The following FMNL3 variants were observed in gnomAD, a reference collection of about 807,000 sequenced individuals.
FMNL3 encodes the protein formin like 3, also known as formin-like protein 3.
A neutral mutation model predicts 119.6 loss-of-function variants in FMNL3; 57 were observed. The observed-to-expected ratio is 0.48, with a 90% CI of 0.39 to 0.59. The LOEUF is 0.59. Ranked by LOEUF, FMNL3 falls within the 20% of genes least tolerant of loss-of-function variation. The pLI is 0.00. For synonymous variants in FMNL3, 491 were observed against 507.3 expected, an observed-to-expected ratio of 0.97 and a Z score of 0.43; for missense variants, 1,053 against 1,323.5, an observed-to-expected ratio of 0.80 and a Z score of 3.17.
At chr12:49,675,165 T>C (rs1371668668) in intron 1 of FMNL3, among the ~76,000 whole-genome samples, 2 of 152,186 alleles carry the variant, frequency 1.3e-5, no homozygotes. Context: ...CAAACCCTGA[T>C]TAAGGCCACC....
In FMNL3 at chr12:49,700,391, CAAAAAA is replaced by C. The variant is rs11456820; in HGVS notation, c.126+6658_126+6663del. On this transcript the variant is annotated intron_variant, in intron 1 of 25. Transcript: ENST00000335154. ...TGGGCGACAGAGTGAGAATCCGTCT[CAAAAAA>C]AAAAAAAAAAAAAGAGATTTTAAAA... 7.1e-4 allele frequency among the ~76,000 whole-genome samples: 40 copies of C among 56,446 alleles called. 1 individual carries two copies. Among genetic ancestry groups the C allele is most frequent in the African/African-American group, 2.1e-3 (35 of 16,894 alleles). 37.0% of individuals were successfully genotyped at this position (56,446 alleles called of 152,430 possible). A position where few individuals can be genotyped will look rare whatever the true frequency, so the allele number is the denominator to read the frequency against.
At chr12:49,701,796 C>T (rs1440211197) in intron 1 of FMNL3, among the ~76,000 whole-genome samples, 3 of 151,952 alleles carry the variant, frequency 2.0e-5, no homozygotes, top group Non-Finnish European at 2.9e-5. Flanking sequence ...TGGTGGCAGG[C>T]GCCTGTCATC....
At chr12:49,678,185 GTCTCACT>G in intron 1 of FMNL3, among the ~76,000 whole-genome samples, 1 of 145,406 alleles carries the variant, frequency 6.9e-6, no homozygotes, top group South Asian at 2.2e-4. Context: ...TTGAGACGGA[GTCTCACT>G]CTTTGCCCAG....
intron 1 of FMNL3, among the ~76,000 whole-genome samples, chr12:49,698,441 C>G (rs1944811558): frequency 6.6e-6 from 1 of 151,586 alleles, no homozygotes; most frequent in Non-Finnish European, 1.5e-5. Context: ...GAACACCTTT[C>G]AAGGACCTAA....
chr12:49,660,267 G>A (rs1943694617), intron 5 of FMNL3, among the ~76,000 whole-genome samples: 1 of 152,006 alleles, frequency 6.6e-6, no homozygotes, highest in Non-Finnish European at 1.5e-5. Context: ...AGAGTCAAAG[G>A]TATTGCCATG....
intron 1 of FMNL3, among the ~76,000 whole-genome samples, chr12:49,674,950 TCAAA>T (rs1412734006): frequency 6.6e-6 from 1 of 152,198 alleles, no homozygotes; most frequent in African/African-American, 2.4e-5. Flanking sequence ...CCAGCATCAT[TCAAA>T]CAAAGAGATG....
At chr12:49,705,638 C>T (rs1945027354) in intron 1 of FMNL3, among the ~76,000 whole-genome samples, 1 of 152,222 alleles carries the variant, frequency 6.6e-6, no homozygotes, top group South Asian at 2.1e-4. Context: ...AGTCTCTCCT[C>T]CTCAGCCTGT....
chr12:49,656,810 G>A lies in FMNL3; in HGVS notation c.791+13C>T, dbSNP rs1410439609. ...GGACAGAGTGGGGAGGAAAGGGGAG[G>A]GAAGGAACTCACCTTGGATTCTTGT... On this transcript the variant is annotated intron_variant, in intron 8 of 25. Transcript: ENST00000335154. The A allele has an allele frequency of 2.5e-6, 4 of 1,607,198 alleles. No homozygotes were observed. The highest frequency in any genetic ancestry group is 3.4e-6 in the Non-Finnish European group (4 of 1,173,928).
chr12:49,688,737 CA>C (rs1366360624), intron 1 of FMNL3: 1 of 305,602 alleles, frequency 3.3e-6, no homozygotes, highest in Non-Finnish European at 6.5e-6. Context: ...AGAGGGACAG[CA>C]GCCCAGACTA....
At chr12:49,685,312 C>T (rs1421340655) in intron 1 of FMNL3, among the ~76,000 whole-genome samples, 1 of 152,100 alleles carries the variant, frequency 6.6e-6, no homozygotes, top group Non-Finnish European at 1.5e-5. Context: ...TGGCGATATC[C>T]CTAGCTGGGC....
intron 1 of FMNL3, among the ~76,000 whole-genome samples, chr12:49,693,301 T>C (rs1025651304): frequency 2.6e-5 from 4 of 152,114 alleles, no homozygotes; most frequent in Non-Finnish European, 5.9e-5. Flanking sequence ...ACCAGGGCGG[T>C]GGCAGTAGAG....
chr12:49,646,708 G>C, intron 25 of FMNL3, 178 bp downstream of exon 25: 4 of 1,543,896 alleles, frequency 2.6e-6, no homozygotes, highest in Non-Finnish European at 3.5e-6. Context: ...GAAGAAGCGT[G>C]AGCCCCGCTT....
rs755875249 is a variant in FMNL3, at chr12:49,644,757, T to C, written c.*1058A>G. The C allele has an allele frequency of 2.2e-4, 35 of 159,294 alleles. No homozygotes were observed. Among genetic ancestry groups the C allele is most frequent in the African/African-American group, 8.4e-4 (35 of 41,502 alleles). 9.9% of individuals were successfully genotyped at this position (159,294 alleles called of 1,614,324 possible). ...ACTAGTGTCTCATGGCAGGCCTGCT[T>C]CCCTTTGTGTGGCTAGAGCCCACCT... On this transcript the variant is annotated 3_prime_UTR_variant, in exon 26 of 26. Coordinates refer to ENST00000335154, the MANE Select transcript of FMNL3 (RefSeq NM_175736.5).
intron 5 of FMNL3, among the ~76,000 whole-genome samples, chr12:49,661,034 G>C (rs1458068297): frequency 6.6e-6 from 1 of 152,200 alleles, no homozygotes; most frequent in African/African-American, 2.4e-5. Context: ...GGGAAAACTA[G>C]GGAAAGTTAT....
At chr12:49,694,757 C>A (rs55812050) in intron 1 of FMNL3, among the ~76,000 whole-genome samples, 32,485 of 151,802 alleles carry the variant, frequency 0.21, 5,811 homozygotes, top group African/African-American at 0.5. Flanking sequence ...TAAAAACTAC[C>A]AAAAATTAGC....
chr12:49,650,006 A>C (rs2138726253), intron 17 of FMNL3, 81 bp from the exon 18 acceptor site: 2 of 1,259,790 alleles, frequency 1.6e-6, no homozygotes, highest in East Asian at 5.0e-5. Context: ...AAGCTCCTAG[A>C]AGAACTGGAC....
chr12:49,656,463 C>T lies in FMNL3; in HGVS notation c.826G>A (p.Val276Met), dbSNP rs201292171. 2 of 1,614,122 alleles carry T rather than the reference C, an allele frequency of 1.2e-6. No homozygotes were observed. Among genetic ancestry groups the T allele is most frequent in the East Asian group, 4.5e-5 (2 of 44,876 alleles). Residue 276 changes from valine (V) to methionine (M), a missense_variant, in exon 9 of 26, where the codon GTG becomes ATG. Transcript: ENST00000335154. ...TCGTGACCTCCTCGCACCAAACACA[C>T]AGCTGCCAGAAGCTCTAAGACAAGG... ...KALVLELLAAVCLVRGGHEII... is the reference protein window; with the variant it reads ...KALVLELLAAMCLVRGGHEII...
chr12:49,673,996 A>G lies in FMNL3; in HGVS notation c.127-5442T>C, dbSNP rs141205372. Among the ~76,000 whole-genome samples, 1,424 of 152,276 alleles carry G rather than the reference A, an allele frequency of 9.4e-3. 20 individuals carry two copies. Among genetic ancestry groups the G allele is most frequent in the African/African-American group, 0.032 (1,331 of 41,544 alleles). Reference sequence around the variant, plus strand: ...TACGGCAGCCCCTCCAAACACCCACACTTTTCCCCAGCCTTGTGACTGGCT... The same window carrying G: ...TACGGCAGCCCCTCCAAACACCCACGCTTTTCCCCAGCCTTGTGACTGGCT... On this transcript the variant is annotated intron_variant, in intron 1 of 25. Transcript: ENST00000335154.
intron 1 of FMNL3, among the ~76,000 whole-genome samples, chr12:49,683,917 T>C (rs1231166917): frequency 1.3e-5 from 2 of 152,204 alleles, no homozygotes; most frequent in Non-Finnish European, 2.9e-5. Flanking sequence ...CCTGGAATGC[T>C]TTCTTTTCCA....
Sources: gnomAD v4.1 joint callset for allele counts (sites outside exome capture counted in the v4.1 genomes callset) on GRCh38, gnomAD v4.1.1 for gene constraint, MANE v1.5 for transcripts, NCBI Gene and HGNC (gene_info 2026-07-23, HGNC 2026-07-21) for gene names.